Variants in CD84 observed in about 807,000 individuals in gnomAD.
CD84 encodes the protein CD84 molecule, also known as SLAM family member 5.
A neutral mutation model predicts 33.8 loss-of-function variants in CD84; 22 were observed. The ratio of observed to expected loss-of-function variants is 0.65; its 90% CI spans 0.46 to 0.93. The LOEUF is 0.93. Ranked by LOEUF, CD84 falls within the 40% of genes least tolerant of loss-of-function variation. CD84 has a pLI of 0.00. For missense variants in CD84, 400 were observed against 397.6 expected, an observed-to-expected ratio of 1.01 and a Z score of -0.05; for synonymous variants, 154 against 145.2, an observed-to-expected ratio of 1.06 and a Z score of -0.44.
At chr1:160,555,223 A>G (rs1461288121) in intron 2 of CD84, among the ~76,000 whole-genome samples, 5 of 151,788 alleles carry the variant, frequency 3.3e-5, no homozygotes, top group Non-Finnish European at 5.9e-5. Flanking sequence ...AGCTGGGACT[A>G]CAGGTGCCCA....
chr1:160,575,599 A>G (rs956614689), intron 1 of CD84, among the ~76,000 whole-genome samples: 1 of 152,066 alleles, frequency 6.6e-6, no homozygotes, highest in Non-Finnish European at 1.5e-5. Context: ...GTACTTGAAC[A>G]CTGAGTATAA....
rs192247682 is a variant in CD84 at position 160,558,852 on chromosome 1, A to C, written c.389-4706T>G. Among the ~76,000 whole-genome samples, 35 of 152,344 alleles carry C rather than the reference A, an allele frequency of 2.3e-4. No homozygotes were observed. The East Asian group carries it at 4.8e-3, about 21-fold the overall frequency. ...GATACTGATCACAAGTATCAACAGC[A>C]GAACAGACCAAGTGGAGGAAAGAAT... On this transcript the variant is annotated intron_variant, in intron 2 of 6. Coordinates refer to ENST00000368054, the MANE Select transcript of CD84 (RefSeq NM_003874.4).
chr1:160,547,873 G>T lies in CD84; in HGVS notation c.*383C>A. 3.9e-6 allele frequency: 1 copy of T among 254,706 alleles called. No homozygotes were observed. The highest frequency in any genetic ancestry group is 4.8e-5 in the South Asian group (1 of 20,792). The allele number at this position is 254,706 out of a possible 1,614,324, so 15.8% of individuals were successfully genotyped here. Reference sequence around the variant, plus strand: ...GATCCCCTTCTCCCACAGTTACTGGGCAGGGTTGTTACCTCCAGTCACAAG... The same window carrying T: ...GATCCCCTTCTCCCACAGTTACTGGTCAGGGTTGTTACCTCCAGTCACAAG... On this transcript the variant is annotated 3_prime_UTR_variant, in exon 7 of 7. Coordinates refer to ENST00000368054, the MANE Select transcript of CD84 (RefSeq NM_003874.4).
intron 1 of CD84, among the ~76,000 whole-genome samples, chr1:160,569,548 ACGCACGCACG>A (rs1657560378): frequency 6.6e-6 from 1 of 150,932 alleles, no homozygotes; most frequent in Middle Eastern, 3.2e-3. Context: ...ACACGCACGC[ACGCACGCACG>A]CACACACACA....
chr1:160,560,880 A>C (rs1656909499), intron 2 of CD84, among the ~76,000 whole-genome samples: 1 of 152,182 alleles, frequency 6.6e-6, no homozygotes, highest in East Asian at 1.9e-4. Flanking sequence ...TATGTACATA[A>C]ACTAGAAAAT....
chr1:160,559,897 A>T (rs1240000783), intron 2 of CD84, among the ~76,000 whole-genome samples: 3 of 152,190 alleles, frequency 2.0e-5, no homozygotes, highest in African/African-American at 7.2e-5. Flanking sequence ...ACATTACATG[A>T]TGGTAATGGG....
chr1:160,566,984 A>T (rs1430500969), intron 1 of CD84, among the ~76,000 whole-genome samples: 1 of 152,156 alleles, frequency 6.6e-6, no homozygotes, highest in African/African-American at 2.4e-5. Context: ...ATAATTCTCA[A>T]TGAGGGCTCT....
In CD84 at chr1:160,545,085, T is replaced by C. The variant is rs1413800099; in HGVS notation, c.*3171A>G. The C allele has an allele frequency of 6.6e-6, 1 of 152,154 alleles. No individual in the cohort carries two copies. Among genetic ancestry groups the C allele is most frequent in the Admixed American group, 6.5e-5 (1 of 15,274 alleles). The allele number at this position is 152,154 out of a possible 1,614,324, so 9.4% of individuals were successfully genotyped here. A position where few individuals can be genotyped will look rare whatever the true frequency, so the allele number is the denominator to read the frequency against. On this transcript the variant is annotated 3_prime_UTR_variant, in exon 7 of 7. Transcript: ENST00000368054. ...AGACCTAGAGAGAAGGGTGAACAGA[T>C]AACGTGTTCATGAATCAGGAGATTC...
At chr1:160,551,075 G>T in intron 4 of CD84, 40 bp from the exon 5 acceptor site, 1 of 1,500,540 alleles carries the variant, frequency 6.7e-7, no homozygotes, top group Non-Finnish European at 9.3e-7. Flanking sequence ...TCTGTGAAAG[G>T]TGGTTTTTTT....
intron 2 of CD84, among the ~76,000 whole-genome samples, chr1:160,560,172 C>T (rs570663225): frequency 7.2e-5 from 11 of 152,222 alleles, no homozygotes; most frequent in South Asian, 6.2e-4. Context: ...ACTCTCCACC[C>T]GAATTCCACA....
At chr1:160,561,554 T>G (rs983300226) in intron 2 of CD84, among the ~76,000 whole-genome samples, 1 of 152,204 alleles carries the variant, frequency 6.6e-6, no homozygotes, top group South Asian at 2.1e-4. Flanking sequence ...CACGCCAATA[T>G]CATACTGAAT....
intron 2 of CD84, among the ~76,000 whole-genome samples, chr1:160,563,750 C>T (rs1440758381): frequency 2.0e-5 from 3 of 151,856 alleles, no homozygotes; most frequent in Non-Finnish European, 4.4e-5. Flanking sequence ...TTAAAATAAA[C>T]ATTGAAGAAA....
chr1:160,550,818 AC>A, intron 5 of CD84, 119 bp downstream of exon 5: 1 of 1,542,194 alleles, frequency 6.5e-7, no homozygotes. Context: ...CCTGGTTGGA[AC>A]CTCTGGACTC....
At chr1:160,551,285 C>T in intron 4 of CD84, 1 of 437,034 alleles carries the variant, frequency 2.3e-6, no homozygotes, top group Non-Finnish European at 4.1e-6. Flanking sequence ...TTTCCCCAAC[C>T]CCTCCCTGTG....
At chr1:160,552,784 T>G (rs1656322491) in intron 4 of CD84, 1 of 1,440,478 alleles carries the variant, frequency 6.9e-7, no homozygotes, top group Non-Finnish European at 9.5e-7. Context: ...GAAGCAGAAG[T>G]TCCATGTTTT....
chr1:160,552,790 G>A, intron 4 of CD84: 6 of 1,361,982 alleles, frequency 4.4e-6, no homozygotes, highest in Non-Finnish European at 6.2e-6. Flanking sequence ...GAAGTTCCAT[G>A]TTTTTTATTG....
Position 160,564,116 on chromosome 1 carries a change from C to G in CD84, c.388+1288G>C, listed in dbSNP as rs1477238901. ...ACTTGGGGTAGCTTGCAAAACAAAG[C>G]ACGCACATCTCCCAGTGAATTGTGG... On this transcript the variant is annotated intron_variant, in intron 2 of 6. Coordinates refer to ENST00000368054, the MANE Select transcript of CD84 (RefSeq NM_003874.4). Among the ~76,000 whole-genome samples the G allele has an allele frequency of 2.0e-5, 3 of 152,228 alleles. No homozygotes were observed. In the East Asian group the frequency reaches 5.8e-4, roughly 29 times the overall value.
intron 1 of CD84, among the ~76,000 whole-genome samples, chr1:160,567,084 G>GT (rs1311208450): frequency 6.6e-6 from 1 of 152,146 alleles, no homozygotes; most frequent in African/African-American, 2.4e-5. Context: ...ATCAGAAAGG[G>GT]TGTTAGCCAT....
At chr1:160,551,108 C>T in intron 4 of CD84, 73 bp from the exon 5 acceptor site, 1 of 1,115,722 alleles carries the variant, frequency 9.0e-7, no homozygotes, top group Non-Finnish European at 1.4e-6. Flanking sequence ...TTCCAATGTT[C>T]TCTTTTTAAG....
Sources: allele counts gnomAD v4.1 joint callset (sites outside exome capture counted in the v4.1 genomes callset), GRCh38; gene constraint gnomAD v4.1.1; transcripts MANE v1.5; gene names NCBI Gene and HGNC (gene_info 2026-07-23, HGNC 2026-07-21).